ADGRB3: variants seen among roughly 807,000 people sequenced by gnomAD.
ADGRB3 encodes the protein brain-specific angiogenesis inhibitor 3.
A neutral mutation model predicts 193.4 loss-of-function variants in ADGRB3; 37 were observed. The observed-to-expected ratio is 0.19, with a 90% confidence interval of 0.15 to 0.25. ADGRB3 has a LOEUF of 0.25. Ranked by LOEUF, ADGRB3 falls within the 10% of genes least tolerant of loss-of-function variation. The probability of loss-of-function intolerance (pLI) is 1.00; values close to 1 mark genes in which losing one functional copy is unlikely to be tolerated. For synonymous variants in ADGRB3, 690 were observed against 644.2 expected (o/e 1.07, Z -1.08); for missense variants, 1,637 against 1,852.9 (o/e 0.88, Z 2.14).
chr6:69,081,581 A>G (rs1772387834), intron 17 of ADGRB3, among the ~76,000 whole-genome samples: 1 of 151,934 alleles, frequency 6.6e-6, no homozygotes, highest in Admixed American at 6.6e-5. Context: ...ACTATACATT[A>G]TTTTTTGAAG....
At chr6:68,767,590 A>G (rs1338413109) in intron 3 of ADGRB3, among the ~76,000 whole-genome samples, 1 of 152,190 alleles carries the variant, frequency 6.6e-6, no homozygotes, top group Admixed American at 6.6e-5. Flanking sequence ...TATCATATTG[A>G]ATGGGCAAAA....
intron 3 of ADGRB3, among the ~76,000 whole-genome samples, chr6:68,903,816 G>A (rs1582301098): frequency 1.3e-5 from 2 of 151,504 alleles, no homozygotes; most frequent in African/African-American, 2.4e-5. Flanking sequence ...AGACCAACCT[G>A]GGCAACATAG....
chr6:68,876,221 C>G (rs546910752), intron 3 of ADGRB3, among the ~76,000 whole-genome samples: 1 of 152,124 alleles, frequency 6.6e-6, no homozygotes, highest in South Asian at 2.1e-4. Context: ...AAAAAGATGT[C>G]AGACAGAAAT....
intron 3 of ADGRB3, among the ~76,000 whole-genome samples, chr6:68,665,553 G>A (rs528330628): frequency 2.0e-5 from 3 of 151,756 alleles, no homozygotes; most frequent in African/African-American, 7.3e-5. Flanking sequence ...CTCTGTTGGG[G>A]TTTAATGGAG....
chr6:69,018,288 A>G (rs760705975), intron 12 of ADGRB3, 103 bp from the exon 13 acceptor site: 84 of 661,504 alleles, frequency 1.3e-4, no homozygotes, highest in Non-Finnish European at 1.9e-4. Context: ...TTGAAGTGAA[A>G]CAAAGCTCAT....
chr6:69,215,616 A>G (rs1430076344), intron 17 of ADGRB3, among the ~76,000 whole-genome samples: 2 of 152,258 alleles, frequency 1.3e-5, no homozygotes, highest in Non-Finnish European at 2.9e-5. Flanking sequence ...AAAGAATTAT[A>G]AGACCTATAA....
chr6:69,236,844 A>G (rs932164556), intron 19 of ADGRB3, among the ~76,000 whole-genome samples: 2 of 152,036 alleles, frequency 1.3e-5, no homozygotes, highest in Non-Finnish European at 2.9e-5. Flanking sequence ...ATAGTTTTCT[A>G]AGAATTACCA....
chr6:69,004,510 C>T (rs966595724), intron 11 of ADGRB3, among the ~76,000 whole-genome samples: 4 of 151,586 alleles, frequency 2.6e-5, no homozygotes, highest in Admixed American at 2.6e-4. Flanking sequence ...GTGTGCTGCA[C>T]CCATTAACTA....
chr6:68,966,480 G>T (rs181923842), intron 8 of ADGRB3, among the ~76,000 whole-genome samples: 138 of 152,044 alleles, frequency 9.1e-4, no homozygotes, highest in African/African-American at 2.5e-3. Flanking sequence ...TTTCTGAAAC[G>T]GTCACCTTCT....
intron 3 of ADGRB3, among the ~76,000 whole-genome samples, chr6:68,747,825 T>C (rs570822846): frequency 6.6e-5 from 10 of 152,174 alleles, no homozygotes; most frequent in Admixed American, 3.3e-4. Context: ...TATTAGTCGG[T>C]TTTCATGCTG....
At position 68,960,821 on chromosome 6, in the gene ADGRB3, G is replaced by T. The variant is rs1335822449; in HGVS notation, c.1525+4012G>T. Among the ~76,000 whole-genome samples, 6 of 152,102 alleles carry T rather than the reference G, an allele frequency of 3.9e-5. 1 individual carries two copies. The highest frequency in any genetic ancestry group is 8.8e-5 in the Non-Finnish European group (6 of 68,022). ...CCCACCAGCCATTCTGACTCAGTAG[G>T]TCTTGAATGAGCCTGAGAATCTGCA... On this transcript the variant is annotated intron_variant, in intron 8 of 31. Transcript: ENST00000370598.
At chr6:68,795,273 A>C (rs528381597) in intron 3 of ADGRB3, among the ~76,000 whole-genome samples, 65 of 152,234 alleles carry the variant, frequency 4.3e-4, no homozygotes, top group African/African-American at 1.3e-3. Context: ...TCTAAAAAAA[A>C]AGAAGAAAAA....
chr6:69,017,783 T>G (rs1248758588), intron 12 of ADGRB3, among the ~76,000 whole-genome samples: 1 of 151,936 alleles, frequency 6.6e-6, no homozygotes, highest in African/African-American at 2.4e-5. Flanking sequence ...TGCTTCTTCT[T>G]GCCTAAAATA....
At chr6:68,966,180 T>A (rs1768376471) in intron 8 of ADGRB3, among the ~76,000 whole-genome samples, 1 of 152,116 alleles carries the variant, frequency 6.6e-6, no homozygotes, top group African/African-American at 2.4e-5. Context: ...CAATCAGCCA[T>A]AGTGCTGAGC....
intron 17 of ADGRB3, among the ~76,000 whole-genome samples, chr6:69,108,838 G>A (rs1388053942): frequency 6.6e-6 from 1 of 152,190 alleles, no homozygotes; most frequent in Non-Finnish European, 1.5e-5. Context: ...GCAATGGGAT[G>A]TGAAATGTAT....
At chr6:69,333,098 C>A in intron 24 of ADGRB3, 90 bp downstream of exon 24, 1 of 1,345,088 alleles carries the variant, frequency 7.4e-7, no homozygotes, top group African/African-American at 1.7e-5. Context: ...TTGACTCTGC[C>A]TTGAATTTTG....
chr6:69,373,150 A>G (rs1407608560), intron 30 of ADGRB3, among the ~76,000 whole-genome samples: 1 of 152,016 alleles, frequency 6.6e-6, no homozygotes, highest in Non-Finnish European at 1.5e-5. Flanking sequence ...GTGTATTGAT[A>G]ATTGGATATG....
At chr6:69,223,048 TC>T in intron 17 of ADGRB3, among the ~76,000 whole-genome samples, 1 of 152,194 alleles carries the variant, frequency 6.6e-6, no homozygotes, top group South Asian at 2.1e-4. Context: ...ATCTCTATTT[TC>T]TCTCTACTAC....
intron 26 of ADGRB3, among the ~76,000 whole-genome samples, chr6:69,340,079 T>C (rs2127319552): frequency 6.6e-6 from 1 of 152,266 alleles, no homozygotes; most frequent in Admixed American, 6.5e-5. Flanking sequence ...ACTAAAAATG[T>C]ATACAGTGAG....
Sources: allele counts gnomAD v4.1 joint callset (sites outside exome capture counted in the v4.1 genomes callset), GRCh38; gene constraint gnomAD v4.1.1; transcripts MANE v1.5; gene names NCBI Gene and HGNC (gene_info 2026-07-23, HGNC 2026-07-21).